The following IGF2R variants were observed in gnomAD, a reference collection of about 807,000 sequenced individuals.
The protein encoded by IGF2R is cation-independent mannose-6-phosphate receptor.
A neutral mutation model predicts 270.6 loss-of-function variants in IGF2R; 91 were observed. That is an observed-to-expected ratio of 0.34 (90% CI 0.28 to 0.40). The LOEUF (loss-of-function observed/expected upper bound fraction) is 0.40. Ranked by LOEUF, IGF2R falls within the 10% of genes least tolerant of loss-of-function variation. The pLI is 1.00. For missense variants in IGF2R, 2,805 were observed against 3,188.3 expected (o/e 0.88, Z 2.90); for synonymous variants, 1,316 against 1,258.9 (o/e 1.05, Z -0.96).
chr6:160,035,660 C>A (rs1777803354), intron 10 of IGF2R, among the ~76,000 whole-genome samples: 1 of 152,224 alleles, frequency 6.6e-6, no homozygotes, highest in East Asian at 1.9e-4. Flanking sequence ...ACAATACACA[C>A]ATTTTTTAAG....
At chr6:160,024,141 G>T (rs1263598668) in intron 4 of IGF2R, among the ~76,000 whole-genome samples, 4 of 152,174 alleles carry the variant, frequency 2.6e-5, no homozygotes, top group African/African-American at 9.7e-5. Flanking sequence ...CAAGCTGATG[G>T]GACTGTGTTC....
intron 31 of IGF2R, among the ~76,000 whole-genome samples, chr6:160,071,266 G>T (rs11962633): frequency 0.23 from 28,012 of 120,938 alleles, 3,941 homozygotes; most frequent in African/African-American, 0.34. Flanking sequence ...CAGGGCCCAG[G>T]AGGCTGGGAG....
At chr6:160,036,891 T>C (rs1162160202) in intron 10 of IGF2R, among the ~76,000 whole-genome samples, 1 of 152,182 alleles carries the variant, frequency 6.6e-6, no homozygotes, top group African/African-American at 2.4e-5. Context: ...TATGAAATCA[T>C]GGGCCCAGAG....
rs954531192 is a variant in IGF2R, at chr6:160,110,378, G to A, written c.*5294G>A. 1 of 152,264 alleles carries A rather than the reference G, an allele frequency of 6.6e-6. No homozygotes were observed. The highest frequency in any genetic ancestry group is 1.5e-5 in the Non-Finnish European group (1 of 68,056). 9.4% of individuals were successfully genotyped at this position (152,264 alleles called of 1,614,324 possible). A position where few individuals can be genotyped will look rare whatever the true frequency, so the allele number is the denominator to read the frequency against. ...CAGGGAAATGCACATCATAAACACA[G>A]TGAGACGTTGCCTCACACCTGCCAG... On this transcript the variant is annotated 3_prime_UTR_variant, in exon 48 of 48. Transcript: ENST00000356956.
At chr6:160,002,220 A>G (rs1245255927) in intron 2 of IGF2R, among the ~76,000 whole-genome samples, 1 of 151,992 alleles carries the variant, frequency 6.6e-6, no homozygotes, top group African/African-American at 2.4e-5. Flanking sequence ...GTGGAACCCC[A>G]TCTCTGCAAA....
At chr6:160,065,812 G>GTATATATA (rs1456196890) in intron 29 of IGF2R, among the ~76,000 whole-genome samples, 20 of 69,358 alleles carry the variant, frequency 2.9e-4, no homozygotes, top group African/African-American at 5.0e-4. Context: ...GTGTGTGTGT[G>GTATATATA]TGTATATATA....
rs1478058280 is a variant in IGF2R at position 160,010,803 on chromosome 6, A to G, written c.513+18A>G. 9.6e-6 allele frequency: 13 copies of G among 1,350,676 alleles called. No individual in the cohort carries two copies. The highest frequency in any genetic ancestry group is 1.4e-5 in the Non-Finnish European group (13 of 939,798). The allele number at this position is 1,350,676 out of a possible 1,614,324, so 83.7% of individuals were successfully genotyped here. On this transcript the variant is annotated intron_variant, in intron 4 of 47. Coordinates refer to ENST00000356956, the MANE Select transcript of IGF2R (RefSeq NM_000876.4). Reference sequence around the variant, plus strand: ...ATAAGGAGGTAACATGGGAACTTCAAATTACATGCTTATGAAGTATACTCT... The same window carrying G: ...ATAAGGAGGTAACATGGGAACTTCAGATTACATGCTTATGAAGTATACTCT...
chr6:160,102,791 A>G lies in IGF2R; in HGVS notation c.6995+120A>G, dbSNP rs1238937997. On this transcript the variant is annotated intron_variant, in intron 46 of 47. Coordinates refer to ENST00000356956, the MANE Select transcript of IGF2R (RefSeq NM_000876.4). This position sits in a 1 kb window ranked among gnomAD's most constrained non-coding sequence, Gnocchi z 4.5. Reference sequence around the variant, plus strand: ...TAAGCCCTACAGCAGCGAAGGCTCGAGGTTCTTAGTCCAAAACTCTCTGGA... The same window carrying G: ...TAAGCCCTACAGCAGCGAAGGCTCGGGGTTCTTAGTCCAAAACTCTCTGGA... 221 of 1,185,002 alleles carry G rather than the reference A, an allele frequency of 1.9e-4. No individual in the cohort carries two copies. The highest frequency in any genetic ancestry group is 2.5e-4 in the Non-Finnish European group (212 of 859,868). 73.4% of individuals were successfully genotyped at this position (1,185,002 alleles called of 1,614,324 possible).
chr6:160,063,488 C>T lies in IGF2R; in HGVS notation c.3744C>T (p.Thr1248=). The change falls in exon 27 of 48, where the codon ACC becomes ACT. Residue 1248 remains threonine (T), a synonymous_variant. Coordinates refer to ENST00000356956, the MANE Select transcript of IGF2R (RefSeq NM_000876.4). ...YDLKPLGLND[T]IVSAGEYTYY... Reference sequence around the variant, plus strand: ...TGAAGCCCCTGGGCCTCAACGACACCATCGTGAGCGCTGGCGAATACACTT... The same window carrying T: ...TGAAGCCCCTGGGCCTCAACGACACTATCGTGAGCGCTGGCGAATACACTT... 1 of 1,613,766 alleles carries T rather than the reference C, an allele frequency of 6.2e-7. No homozygotes were observed. Among genetic ancestry groups the T allele is most frequent in the Non-Finnish European group, 8.5e-7 (1 of 1,179,984 alleles).
At position 160,064,873 on chromosome 6, in the gene IGF2R, C is replaced by A; in HGVS notation, c.4087C>A (p.Pro1363Thr). The change falls in exon 29 of 48, where the codon CCT becomes ACT. Residue 1363 changes from proline (P) to threonine (T), a missense_variant. Pro to Thr is a conservative substitution (Grantham distance 38, BLOSUM62 -1). Coordinates refer to ENST00000356956, the MANE Select transcript of IGF2R (RefSeq NM_000876.4). ...FEWRTQYACP[P>T]FDLTECSFKD... ...GTGGCGAACGCAGTATGCCTGCCCA[C>A]CTTTCGATCTGACTGAATGTTCATT... The A allele has an allele frequency of 1.2e-6, 2 of 1,612,444 alleles. No homozygotes were observed. The highest frequency in any genetic ancestry group is 1.1e-5 in the South Asian group (1 of 91,048).
chr6:160,060,748 C>T, intron 23 of IGF2R, 31 bp downstream of exon 23: 2 of 1,610,524 alleles, frequency 1.2e-6, no homozygotes, highest in Non-Finnish European at 1.7e-6. Context: ...AACTGAGAGG[C>T]CGGTCAAGAG....
intron 11 of IGF2R, among the ~76,000 whole-genome samples, chr6:160,041,812 T>G (rs900465252): frequency 1.8e-4 from 28 of 152,328 alleles, no homozygotes; most frequent in African/African-American, 6.5e-4. Flanking sequence ...TAGTTAATTC[T>G]GGCACATGTG....
intron 39 of IGF2R, among the ~76,000 whole-genome samples, chr6:160,083,582 C>T (rs1182710397): frequency 1.3e-5 from 2 of 152,210 alleles, no homozygotes; most frequent in Admixed American, 6.5e-5. Context: ...TGGACAATAC[C>T]GAGCTTTCCA....
At chr6:160,020,069 T>G (rs758489405) in intron 4 of IGF2R, among the ~76,000 whole-genome samples, 8 of 152,130 alleles carry the variant, frequency 5.3e-5, no homozygotes, top group Non-Finnish European at 1.0e-4. Context: ...TAAAGTTTCC[T>G]CCAAAAGTCT....
At chr6:159,974,263 T>C (rs1783655079) in intron 1 of IGF2R, among the ~76,000 whole-genome samples, 1 of 151,984 alleles carries the variant, frequency 6.6e-6, no homozygotes, top group Admixed American at 6.6e-5. Context: ...CATCTTTTCT[T>C]GTATTTATTG....
At chr6:160,072,695 C>T (rs1016285368) in intron 32 of IGF2R, 70 bp from the exon 33 acceptor site, 14 of 1,578,526 alleles carry the variant, frequency 8.9e-6, no homozygotes, top group African/African-American at 5.4e-5. Flanking sequence ...TGTGTGAGCT[C>T]GCCGATGATG....
In IGF2R at chr6:160,105,221, G is replaced by A; in HGVS notation, c.*137G>A. 1.4e-6 allele frequency: 1 copy of A among 715,370 alleles called. No individual in the cohort carries two copies. The highest frequency in any genetic ancestry group is 1.9e-5 in the South Asian group (1 of 51,410). 44.3% of individuals were successfully genotyped at this position (715,370 alleles called of 1,614,324 possible). On this transcript the variant is annotated 3_prime_UTR_variant, in exon 48 of 48. Coordinates refer to ENST00000356956, the MANE Select transcript of IGF2R (RefSeq NM_000876.4). ...CAAAAGGGAAGAGTTTTTGTGATGG[G>A]GGAGAGGGTGAAGGAGGTCAGGCCC...
intron 1 of IGF2R, among the ~76,000 whole-genome samples, chr6:159,980,896 A>G (rs989795117): frequency 5.3e-5 from 8 of 152,246 alleles, no homozygotes; most frequent in Admixed American, 3.9e-4. Flanking sequence ...ACTCTTCTTT[A>G]TACATGAGGA....
chr6:159,999,586 A>G (rs1784099241), intron 2 of IGF2R, among the ~76,000 whole-genome samples: 1 of 152,200 alleles, frequency 6.6e-6, no homozygotes, highest in South Asian at 2.1e-4. Context: ...ACTTCTTTTG[A>G]TCTTGTTAGA....
Sources: gnomAD v4.1 joint callset for allele counts (sites outside exome capture counted in the v4.1 genomes callset) on GRCh38, gnomAD v4.1.1 for gene constraint, Gnocchi (gnomAD v3.1) non-coding constraint, MANE v1.5 for transcripts, NCBI Gene and HGNC (gene_info 2026-07-23, HGNC 2026-07-21) for gene names.